Variants in UST observed in about 807,000 individuals in gnomAD.
UST encodes the protein chondroitin sulfate 2-O-sulfotransferase.
In UST, 21 loss-of-function variants were observed where a neutral mutation model predicts 45.6. The ratio of observed to expected loss-of-function variants is 0.46; its 90% CI spans 0.33 to 0.66. UST has a LOEUF of 0.66. Among genes scored for constraint, UST ranks in the 30% least tolerant of loss-of-function variants. UST has a pLI of 0.02. For synonymous variants in UST, 215 were observed against 200.6 expected (o/e 1.07, Z -0.61); for missense variants, 463 against 512.4 (o/e 0.90, Z 0.93).
At chr6:148,977,552 C>G (rs1363207012) in intron 5 of UST, among the ~76,000 whole-genome samples, 1 of 151,746 alleles carries the variant, frequency 6.6e-6, no homozygotes, top group Non-Finnish European at 1.5e-5. Context: ...GAGATCGAGC[C>G]CATCCTGGCT....
intron 5 of UST, among the ~76,000 whole-genome samples, chr6:148,965,256 C>G (rs1281492228): frequency 6.6e-6 from 1 of 151,890 alleles, no homozygotes; most frequent in Non-Finnish European, 1.5e-5. Context: ...CGGAGTTGCG[C>G]GTCTTTCTTT....
At chr6:148,843,391 G>A (rs532954035) in intron 1 of UST, among the ~76,000 whole-genome samples, 35 of 152,284 alleles carry the variant, frequency 2.3e-4, no homozygotes, top group South Asian at 6.2e-4. Context: ...TTTTTTAAAC[G>A]GCAGTGATCC....
Position 149,062,978 on chromosome 6 carries a change from C to G in UST, c.938-10855C>G, listed in dbSNP as rs1776677573. ...TACTATTTGTAAAGTTTTAATAATA[C>G]AGAAAGCAGCCCCCTCCTGGCCTCA... On this transcript the variant is annotated intron_variant, in intron 7 of 7. Transcript: ENST00000367463. Among the ~76,000 whole-genome samples, 4 of 152,164 alleles carry G rather than the reference C, an allele frequency of 2.6e-5. No individual in the cohort carries two copies. The South Asian group carries it at 8.3e-4, about 31-fold the overall frequency.
chr6:149,064,934 C>T (rs1270943667), intron 7 of UST, among the ~76,000 whole-genome samples: 5 of 152,018 alleles, frequency 3.3e-5, no homozygotes, highest in Non-Finnish European at 7.4e-5. Flanking sequence ...AACACATTGC[C>T]TGCCAGTCCG....
intron 7 of UST, among the ~76,000 whole-genome samples, chr6:149,034,842 C>T (rs1423059578): frequency 8.6e-5 from 1 of 11,572 alleles, no homozygotes; most frequent in Non-Finnish European, 1.6e-4. Flanking sequence ...CATTCTCTCT[C>T]TCTCTCTCTC....
At chr6:148,826,520 G>C (rs75576239) in intron 1 of UST, among the ~76,000 whole-genome samples, 1,618 of 151,490 alleles carry the variant, frequency 0.011, 26 homozygotes, top group Non-Finnish European at 0.016. Flanking sequence ...TTTTTATATT[G>C]AATTGTTCAC....
intron 1 of UST, among the ~76,000 whole-genome samples, chr6:148,840,854 C>T (rs530029984): frequency 6.6e-6 from 1 of 152,150 alleles, no homozygotes; most frequent in Admixed American, 6.5e-5. Flanking sequence ...GCTGGACACC[C>T]GGGTGCTCAG....
rs574902604 is a variant in UST at position 148,798,097 on chromosome 6, G to A, written c.247+50420G>A. Among the ~76,000 whole-genome samples the A allele has an allele frequency of 1.2e-4, 18 of 152,276 alleles. No homozygotes were observed. In the South Asian group the frequency reaches 2.5e-3, roughly 21 times the overall value. The stretch of plus-strand genomic sequence containing the variant: ...CAAGAGATTGAGGTGGAGGCTGGGG[G>A]CAGATATACAAGTAATCCAGCCCAG... On this transcript the variant is annotated intron_variant, in intron 1 of 7. Coordinates refer to ENST00000367463, the MANE Select transcript of UST (RefSeq NM_005715.3).
chr6:148,988,777 C>T (rs549221267), intron 5 of UST, among the ~76,000 whole-genome samples: 2 of 152,106 alleles, frequency 1.3e-5, no homozygotes, highest in South Asian at 2.1e-4. Context: ...CAATCCACTC[C>T]GCTTCATCAT....
chr6:148,870,053 T>G (rs140330006), intron 1 of UST, among the ~76,000 whole-genome samples: 23 of 151,464 alleles, frequency 1.5e-4, no homozygotes, highest in African/African-American at 5.6e-4. Context: ...CACAGACTAC[T>G]TCTATTGGAT....
chr6:148,896,381 GTGT>G (rs1267872123), intron 2 of UST, among the ~76,000 whole-genome samples: 1 of 152,174 alleles, frequency 6.6e-6, no homozygotes, highest in Non-Finnish European at 1.5e-5. Context: ...AAATTGTGTT[GTGT>G]GCAGGGCCGC....
At chr6:149,050,771 T>C (rs1776471540) in intron 7 of UST, among the ~76,000 whole-genome samples, 2 of 152,332 alleles carry the variant, frequency 1.3e-5, no homozygotes, top group South Asian at 4.1e-4. Flanking sequence ...AGAAAATAAA[T>C]CACGAATTGT....
At chr6:148,754,391 T>A (rs1347069557) in intron 1 of UST, among the ~76,000 whole-genome samples, 2 of 152,150 alleles carry the variant, frequency 1.3e-5, no homozygotes, top group African/African-American at 4.8e-5. Flanking sequence ...TTTGTGAGAT[T>A]TTTGTGCACT....
intron 2 of UST, among the ~76,000 whole-genome samples, chr6:148,921,488 G>A (rs1032112049): frequency 3.9e-5 from 6 of 152,194 alleles, no homozygotes; most frequent in Admixed American, 1.3e-4. Flanking sequence ...CCATCCGTAT[G>A]GGGAGATTAG....
chr6:148,952,389 A>G (rs377055248), intron 3 of UST, among the ~76,000 whole-genome samples: 1 of 152,096 alleles, frequency 6.6e-6, no homozygotes, highest in African/African-American at 2.4e-5. Flanking sequence ...ATTCACTCAT[A>G]CCTGCCACTG....
intron 1 of UST, among the ~76,000 whole-genome samples, chr6:148,882,226 C>T (rs1018131159): frequency 7.2e-5 from 11 of 152,022 alleles, no homozygotes; most frequent in Non-Finnish European, 1.6e-4. Flanking sequence ...TGGCTCACAC[C>T]TGCAATCCTA....
intron 5 of UST, among the ~76,000 whole-genome samples, chr6:148,989,288 A>G (rs1398104988): frequency 6.8e-6 from 1 of 146,394 alleles, no homozygotes; most frequent in Non-Finnish European, 1.5e-5. Flanking sequence ...ATAGGGAAGG[A>G]CTGAGAATGA....
At chr6:148,777,766 C>T (rs9403984) in intron 1 of UST, among the ~76,000 whole-genome samples, 15,730 of 152,178 alleles carry the variant, frequency 0.1, 1,385 homozygotes, top group East Asian at 0.46. Flanking sequence ...AGGCTGGTCT[C>T]GAACTCCTGA....
intron 5 of UST, chr6:149,005,708 C>T: frequency 1.3e-6 from 1 of 764,042 alleles, no homozygotes; most frequent in Non-Finnish European, 1.6e-6. Context: ...AGCTTGATAA[C>T]TTATTTATTT....
Sources: gnomAD v4.1 joint callset for allele counts (sites outside exome capture counted in the v4.1 genomes callset) on GRCh38, gnomAD v4.1.1 for gene constraint, MANE v1.5 for transcripts, NCBI Gene and HGNC (gene_info 2026-07-23, HGNC 2026-07-21) for gene names.